The following AGBL1 variants were observed in gnomAD, a reference collection of about 807,000 sequenced individuals.
The protein encoded by AGBL1 is AGBL carboxypeptidase 1.
In AGBL1, 130 loss-of-function variants were observed where a neutral mutation model predicts 118.9. That is an observed-to-expected ratio of 1.09 (90% confidence interval 0.95 to 1.26). The LOEUF (loss-of-function observed/expected upper bound fraction) is 1.26, where lower values mean the gene tolerates loss of function less well. Among genes scored for constraint, AGBL1 ranks in the 50% most tolerant of loss-of-function variants. The pLI, the probability that AGBL1 is intolerant of heterozygous loss-of-function variation, is 0.00. For missense variants in AGBL1, 1,584 were observed against 1,298.1 expected (o/e 1.22, Z -3.38); for synonymous variants, 555 against 478.9 (o/e 1.16, Z -2.08).
chr15:86,735,507 A>G (rs1306702488), intron 22 of AGBL1, among the ~76,000 whole-genome samples: 1 of 151,932 alleles, frequency 6.6e-6, no homozygotes, highest in Non-Finnish European at 1.5e-5. Context: ...ACATCTATCT[A>G]TCTATCTATC....
chr15:87,009,044 A>G (rs2081532421), intron 24 of AGBL1, among the ~76,000 whole-genome samples: 1 of 152,244 alleles, frequency 6.6e-6, no homozygotes, highest in Admixed American at 6.5e-5. Flanking sequence ...CAAGCTGGCT[A>G]TAGAAATTTG....
At chr15:86,626,915 G>T (rs189044646) in intron 21 of AGBL1, among the ~76,000 whole-genome samples, 137 of 146,366 alleles carry the variant, frequency 9.4e-4, no homozygotes, top group African/African-American at 3.3e-3. Context: ...TTGGCTCACT[G>T]CAACCTCTGC....
chr15:86,571,046 T>C (rs981122279), intron 21 of AGBL1, among the ~76,000 whole-genome samples: 1 of 152,162 alleles, frequency 6.6e-6, no homozygotes, highest in South Asian at 2.1e-4. Flanking sequence ...GGTGCTGGCA[T>C]GGACACGGGC....
At chr15:87,006,764 G>C (rs191818039) in intron 24 of AGBL1, among the ~76,000 whole-genome samples, 1 of 152,114 alleles carries the variant, frequency 6.6e-6, no homozygotes, top group East Asian at 1.9e-4. Flanking sequence ...CGTCTTCTGC[G>C]TCACTCACTC....
chr15:86,387,160 G>A (rs887814176), intron 17 of AGBL1, among the ~76,000 whole-genome samples: 2 of 152,158 alleles, frequency 1.3e-5, no homozygotes, highest in Non-Finnish European at 1.5e-5. Context: ...TGTAACAGGC[G>A]AAAGGGAGTT....
intron 22 of AGBL1, among the ~76,000 whole-genome samples, chr15:86,766,700 G>T (rs1463325375): frequency 6.6e-6 from 1 of 151,726 alleles, no homozygotes; most frequent in Non-Finnish European, 1.5e-5. Flanking sequence ...CTGGATTATG[G>T]TTATGTACTA....
At chr15:86,541,725 C>T (rs578170099) in intron 19 of AGBL1, among the ~76,000 whole-genome samples, 16 of 152,114 alleles carry the variant, frequency 1.1e-4, no homozygotes, top group Admixed American at 3.3e-4. Flanking sequence ...GACTAGCTTT[C>T]CCCTGCTGGA....
At chr15:86,599,376 A>T (rs2084460413) in intron 21 of AGBL1, among the ~76,000 whole-genome samples, 1 of 151,958 alleles carries the variant, frequency 6.6e-6, no homozygotes, top group African/African-American at 2.4e-5. Context: ...CAAATTTGCC[A>T]TTGAACATGT....
rs568410942 is a variant in AGBL1 at position 86,269,921 on chromosome 15, T to A, written c.1841T>A (p.Phe614Tyr). 6.2e-7 allele frequency: 1 copy of A among 1,613,608 alleles called. No homozygotes were observed. Among genetic ancestry groups the A allele is most frequent in the African/African-American group, 1.3e-5 (1 of 75,038 alleles). Residue 614 changes from phenylalanine (F) to tyrosine (Y), a missense_variant and splice_region_variant, in exon 14 of 23, where the codon TTC (phenylalanine) becomes TAC (tyrosine). Physicochemically the swap from Phe to Tyr is conservative, Grantham distance 22 (BLOSUM62 3). Transcript: ENST00000614907. ...NLRKAIQVRE[F>Y]EYDLLVNADV... is the part of the protein sequence containing the mutation. ...CCAGTCTTGCTTCTGATCTGCAGGTTCGAGTATGACTTGCTGGTCAACGCA... is the reference window on the plus strand; with the variant it reads ...CCAGTCTTGCTTCTGATCTGCAGGTACGAGTATGACTTGCTGGTCAACGCA...
At chr15:86,827,342 T>C (rs1425099766) in intron 22 of AGBL1, among the ~76,000 whole-genome samples, 10 of 6,128 alleles carry the variant, frequency 1.6e-3, no homozygotes, top group South Asian at 6.1e-3. Flanking sequence ...TATATATGTG[T>C]ATATATATAT....
chr15:86,295,650 T>G, intron 17 of AGBL1: 1 of 331,836 alleles, frequency 3.0e-6, no homozygotes, highest in Non-Finnish European at 5.5e-6. Flanking sequence ...AATGACAGTT[T>G]GCTAATGATG....
intron 17 of AGBL1, among the ~76,000 whole-genome samples, chr15:86,333,769 G>C (rs2080313853): frequency 6.6e-6 from 1 of 152,072 alleles, no homozygotes; most frequent in Admixed American, 6.5e-5. Flanking sequence ...GATAAACATA[G>C]ACACAAAAAT....
intron 19 of AGBL1, among the ~76,000 whole-genome samples, chr15:86,523,394 T>G (rs1861621563): frequency 6.6e-6 from 1 of 151,878 alleles, no homozygotes; most frequent in African/African-American, 2.4e-5. Context: ...TAGGGCTTAT[T>G]CTAATTAAGT....
At chr15:86,852,064 C>T (rs780913754) in intron 22 of AGBL1, among the ~76,000 whole-genome samples, 5 of 151,998 alleles carry the variant, frequency 3.3e-5, no homozygotes, top group South Asian at 2.1e-4. Context: ...TGTATTCATC[C>T]GTATTCACAC....
downstream of AGBL1, among the ~76,000 whole-genome samples, chr15:87,029,404 C>T (rs549122384): frequency 2.2e-4 from 34 of 151,880 alleles, no homozygotes; most frequent in Non-Finnish European, 4.0e-4. Context: ...AGCATAATGT[C>T]CCTAGTTCAT....
chr15:86,915,921 G>A lies in AGBL1; in HGVS notation c.*8627G>A, dbSNP rs995927442. 6.6e-6 allele frequency: 1 copy of A among 152,224 alleles called. No individual in the cohort carries two copies. The highest frequency in any genetic ancestry group is 6.5e-5 in the Admixed American group (1 of 15,284). The allele number at this position is 152,224 out of a possible 1,614,324, so 9.4% of individuals were successfully genotyped here. A position where few individuals can be genotyped will look rare whatever the true frequency, so the allele number is the denominator to read the frequency against. ...CTCAGAGCTTCAAGGAGGCGTCCAG[G>A]AGAAACCTCCCTCAGCCCCGTTTGC... On this transcript the variant is annotated 3_prime_UTR_variant, in exon 23 of 23. Coordinates refer to ENST00000614907, the MANE Select transcript of AGBL1 (RefSeq NM_001386094.1).
At chr15:86,508,855 A>C (rs1030464731) in intron 18 of AGBL1, among the ~76,000 whole-genome samples, 1 of 152,188 alleles carries the variant, frequency 6.6e-6, no homozygotes, top group African/African-American at 2.4e-5. Context: ...GTGAATGCTA[A>C]AAAGAACTGC....
At chr15:86,855,710 T>C (rs183241978) in intron 22 of AGBL1, among the ~76,000 whole-genome samples, 70 of 152,356 alleles carry the variant, frequency 4.6e-4, no homozygotes, top group Admixed American at 4.5e-3. Context: ...GATTTAATCA[T>C]AACCTTATCA....
At chr15:86,164,021 C>T (rs566507753) in intron 5 of AGBL1, among the ~76,000 whole-genome samples, 3 of 152,316 alleles carry the variant, frequency 2.0e-5, no homozygotes, top group African/African-American at 4.8e-5. Context: ...TGAGAGACTG[C>T]GAAGCAGCAG....
Sources: allele counts gnomAD v4.1 joint callset (sites outside exome capture counted in the v4.1 genomes callset), GRCh38; gene constraint gnomAD v4.1.1; transcripts MANE v1.5; gene names NCBI Gene and HGNC (gene_info 2026-07-23, HGNC 2026-07-21).